CPED1: variants seen among roughly 807,000 people sequenced by gnomAD.
CPED1 encodes cadherin like and PC-esterase domain containing 1.
In CPED1, 114 loss-of-function variants were observed where a neutral mutation model predicts 128.2. The observed-to-expected ratio is 0.89, with a 90% CI of 0.76 to 1.04. The LOEUF (loss-of-function observed/expected upper bound fraction) is 1.04, where lower values mean the gene tolerates loss of function less well. Among genes scored for constraint, CPED1 ranks in the 50% least tolerant of loss-of-function variants. CPED1 has a pLI of 0.00. For synonymous variants in CPED1, 462 were observed against 426.7 expected, an observed-to-expected ratio of 1.08 and a Z score of -1.02; for missense variants, 1,211 against 1,207.1, an observed-to-expected ratio of 1.00 and a Z score of -0.05.
intron 4 of CPED1, among the ~76,000 whole-genome samples, chr7:121,063,881 A>T (rs981393129): frequency 2.0e-5 from 3 of 152,110 alleles, no homozygotes; most frequent in Non-Finnish European, 2.9e-5. Flanking sequence ...AAATTTTGGA[A>T]CGGGTTTAAC....
At position 121,129,577 on chromosome 7, in the gene CPED1, G is replaced by A. The variant is rs199593869; in HGVS notation, c.1408-548G>A. Among the ~76,000 whole-genome samples, 6 of 151,746 alleles carry A rather than the reference G, an allele frequency of 4.0e-5. No homozygotes were observed. The East Asian group carries it at 1.2e-3, about 29-fold the overall frequency. Reference sequence around the variant, plus strand: ...TATAAAAAGATAATAAAAGGGATCTGCCTTGCTCTTCAGGAATTTATAACT... The same window carrying A: ...TATAAAAAGATAATAAAAGGGATCTACCTTGCTCTTCAGGAATTTATAACT... On this transcript the variant is annotated intron_variant, in intron 11 of 22. Transcript: ENST00000310396.
At chr7:121,258,581 C>T (rs1162111733) in intron 18 of CPED1, among the ~76,000 whole-genome samples, 3 of 152,030 alleles carry the variant, frequency 2.0e-5, no homozygotes, top group African/African-American at 7.2e-5. Context: ...TCACTCAAGC[C>T]TTATGCTGCT....
chr7:121,289,868 A>C (rs1382187928), intron 22 of CPED1, among the ~76,000 whole-genome samples: 2 of 152,234 alleles, frequency 1.3e-5, no homozygotes, highest in African/African-American at 4.8e-5. Context: ...CAGGTTTGTT[A>C]CATAGGTATA....
chr7:121,015,470 G>T (rs1792277306), intron 2 of CPED1, among the ~76,000 whole-genome samples, 195 bp from the exon 3 acceptor site: 1 of 152,156 alleles, frequency 6.6e-6, no homozygotes, highest in Non-Finnish European at 1.5e-5. Flanking sequence ...TTACAGTGAG[G>T]ACAATTCAGT....
At chr7:121,031,915 A>T (rs1435117752) in intron 3 of CPED1, among the ~76,000 whole-genome samples, 2 of 152,198 alleles carry the variant, frequency 1.3e-5, no homozygotes, top group African/African-American at 2.4e-5. Flanking sequence ...TAAAAACTTA[A>T]GGAAAGATAA....
chr7:121,137,254 C>G (rs1795804960), intron 14 of CPED1, among the ~76,000 whole-genome samples: 1 of 151,934 alleles, frequency 6.6e-6, no homozygotes, highest in Non-Finnish European at 1.5e-5. Context: ...TCACTGCAAC[C>G]TCGACTTCCT....
intron 2 of CPED1, among the ~76,000 whole-genome samples, chr7:121,009,433 C>T (rs897342954): frequency 6.6e-6 from 1 of 151,750 alleles, no homozygotes; most frequent in Non-Finnish European, 1.5e-5. Context: ...GTAAAAGCCC[C>T]ATCTTTACAA....
chr7:121,047,727 T>G (rs1585038586), intron 4 of CPED1, among the ~76,000 whole-genome samples: 4 of 130,188 alleles, frequency 3.1e-5, no homozygotes, highest in Admixed American at 7.5e-5. Flanking sequence ...TTTTTTTTTT[T>G]TGAGACGTAA....
chr7:121,155,206 A>C (rs2116414843), intron 16 of CPED1, among the ~76,000 whole-genome samples: 1 of 152,350 alleles, frequency 6.6e-6, no homozygotes, highest in East Asian at 1.9e-4. Context: ...ACTCTGATAA[A>C]AGAGGTCACA....
intron 22 of CPED1, among the ~76,000 whole-genome samples, chr7:121,276,653 C>T (rs1367430248): frequency 6.6e-6 from 1 of 152,000 alleles, no homozygotes; most frequent in Non-Finnish European, 1.5e-5. Context: ...GAATTACCAT[C>T]CAAGTTAATT....
intron 2 of CPED1, among the ~76,000 whole-genome samples, chr7:121,002,308 T>C (rs1283224796): frequency 6.6e-6 from 1 of 152,172 alleles, no homozygotes; most frequent in South Asian, 2.1e-4. Flanking sequence ...AATTAACTTT[T>C]CTATAGTAGT....
chr7:121,096,063 A>G (rs1794691588), intron 5 of CPED1, among the ~76,000 whole-genome samples: 2 of 152,180 alleles, frequency 1.3e-5, no homozygotes, highest in African/African-American at 4.8e-5. Context: ...GCTTACATAA[A>G]CATTTCAACT....
intron 13 of CPED1, 141 bp from the exon 14 acceptor site, chr7:121,135,899 A>T: frequency 2.0e-6 from 1 of 493,996 alleles, no homozygotes; most frequent in Non-Finnish European, 3.4e-6. Context: ...TGTAGTTTAC[A>T]GTTTGACTTA....
intron 3 of CPED1, among the ~76,000 whole-genome samples, chr7:121,035,816 G>T (rs1004533118): frequency 6.6e-6 from 1 of 151,236 alleles, no homozygotes; most frequent in Admixed American, 6.6e-5. Context: ...CTAGGTGACC[G>T]AGTGAGACCC....
intron 7 of CPED1, among the ~76,000 whole-genome samples, chr7:121,118,558 A>T (rs1239181380): frequency 1.0e-4 from 5 of 47,972 alleles, no homozygotes; most frequent in Admixed American, 4.2e-4. Flanking sequence ...GACTCTGTCT[A>T]AAAAAAAAAA....
At chr7:121,196,193 A>AGCCCAC (rs1563061662) in intron 16 of CPED1, among the ~76,000 whole-genome samples, 3 of 152,028 alleles carry the variant, frequency 2.0e-5, no homozygotes, top group Non-Finnish European at 4.4e-5. Flanking sequence ...AGTCCTGGTG[A>AGCCCAC]ATAAAATGGT....
At chr7:121,129,332 T>TAC (rs1563037653) in intron 11 of CPED1, among the ~76,000 whole-genome samples, 78 of 60,166 alleles carry the variant, frequency 1.3e-3, no homozygotes, top group African/African-American at 3.2e-3. Context: ...TATATATATA[T>TAC]ATACGTATAT....
chr7:121,152,392 A>G (rs1796179810), intron 16 of CPED1, among the ~76,000 whole-genome samples: 1 of 152,252 alleles, frequency 6.6e-6, no homozygotes, highest in African/African-American at 2.4e-5. Context: ...CAAAGGTTTA[A>G]GAAATAACAG....
chr7:121,287,804 A>T (rs1792615890), intron 22 of CPED1, among the ~76,000 whole-genome samples: 1 of 152,052 alleles, frequency 6.6e-6, no homozygotes, highest in African/African-American at 2.4e-5. Context: ...CTTTTTAATG[A>T]CTCATTAAAC....
Sources: gnomAD v4.1 joint callset for allele counts (sites outside exome capture counted in the v4.1 genomes callset) on GRCh38, gnomAD v4.1.1 for gene constraint, MANE v1.5 for transcripts, NCBI Gene and HGNC (gene_info 2026-07-23, HGNC 2026-07-21) for gene names.